The following CCDC73 variants were observed in gnomAD, a reference collection of about 807,000 sequenced individuals.
The protein encoded by CCDC73 is coiled-coil domain containing 73.
Under a neutral mutation model 116.5 loss-of-function variants are expected in CCDC73, and 95 were observed. That is an observed-to-expected ratio of 0.82 (90% confidence interval 0.69 to 0.97). CCDC73 has a LOEUF of 0.97. CCDC73 is among the 50% of genes least tolerant of loss of function. The pLI, the probability that CCDC73 is intolerant of heterozygous loss-of-function variation, is 0.00. For missense variants in CCDC73, 1,066 were observed against 1,206.8 expected (o/e 0.88, Z 1.73); for synonymous variants, 398 against 401.3 (o/e 0.99, Z 0.10).
chr11:32,662,666 T>C (rs146471097), intron 9 of CCDC73, among the ~76,000 whole-genome samples: 77 of 152,326 alleles, frequency 5.1e-4, no homozygotes, highest in African/African-American at 1.8e-3. Flanking sequence ...TAGTTTCTTT[T>C]GGTGCGCAGA....
intron 3 of CCDC73, among the ~76,000 whole-genome samples, chr11:32,704,052 G>A (rs1228308281): frequency 6.6e-6 from 1 of 152,214 alleles, no homozygotes; most frequent in Admixed American, 6.5e-5. Context: ...CTGCAGCAAG[G>A]GAGGTTGCGG....
At chr11:32,824,161 T>A in the CCDC73 span, among the ~76,000 whole-genome samples, 2 of 152,114 alleles carry the variant, frequency 1.3e-5, no homozygotes, top group Non-Finnish European at 2.9e-5. Flanking sequence ...TCCTAAAGTG[T>A]TAGGATTACA....
intron 12 of CCDC73, among the ~76,000 whole-genome samples, chr11:32,643,933 C>G (rs188478106): frequency 2.6e-4 from 39 of 151,968 alleles, no homozygotes; most frequent in Non-Finnish European, 4.6e-4. Flanking sequence ...ACAGATTGTA[C>G]AGCTGTATAA....
rs1044040593 is a variant in CCDC73 at position 32,602,853 on chromosome 11, T to G, written c.3198A>C (p.Arg1066Ser). Residue 1066 changes from arginine to serine, a missense_variant, in exon 18 of 18, where the codon AGA becomes AGC. Transcript: ENST00000335185. ...SLENDNQPKK[R>S]KAEETLEKNN... ...TTTTTTCCAACGTCTCTTCTGCTTT[T>G]CTTTTCTTTGGCTGGTTGTCATTTT... The G allele has an allele frequency of 8.1e-6, 13 of 1,609,824 alleles. No individual in the cohort carries two copies. The highest frequency in any genetic ancestry group is 4.0e-5 in the African/African-American group (3 of 74,584).
chr11:32,687,853 GGT>G (rs968029429), intron 6 of CCDC73, among the ~76,000 whole-genome samples: 15 of 152,020 alleles, frequency 9.9e-5, no homozygotes, highest in Non-Finnish European at 1.8e-4. Context: ...TAAAGTATGA[GGT>G]GATCCTGGTA....
At chr11:32,824,927 A>G in the CCDC73 span, among the ~76,000 whole-genome samples, 1 of 152,144 alleles carries the variant, frequency 6.6e-6, no homozygotes, top group South Asian at 2.1e-4. Context: ...TCTACAAACA[A>G]TACAAAAATT....
intron 1 of CCDC73, among the ~76,000 whole-genome samples, chr11:32,791,154 G>A (rs1490392717): frequency 6.6e-6 from 1 of 152,096 alleles, no homozygotes; most frequent in Non-Finnish European, 1.5e-5. Flanking sequence ...TGGGTCATCA[G>A]GAAATTAAGA....
At chr11:32,664,955 T>C (rs1405930137) in intron 9 of CCDC73, among the ~76,000 whole-genome samples, 2 of 152,232 alleles carry the variant, frequency 1.3e-5, no homozygotes, top group African/African-American at 4.8e-5. Flanking sequence ...AGTTTCCATG[T>C]AGTTGAGCGG....
At chr11:32,665,722 C>G (rs1349634565) in intron 9 of CCDC73, among the ~76,000 whole-genome samples, 1 of 152,008 alleles carries the variant, frequency 6.6e-6, no homozygotes, top group East Asian at 1.9e-4. Context: ...TGGTTATTTT[C>G]CTTGTTAGTT....
intron 1 of CCDC73, among the ~76,000 whole-genome samples, chr11:32,789,996 G>A (rs1220007142): frequency 6.6e-6 from 1 of 152,000 alleles, no homozygotes; most frequent in Admixed American, 6.6e-5. Context: ...ATTAGATAAG[G>A]GTATTTTAGA....
intron 14 of CCDC73, among the ~76,000 whole-genome samples, chr11:32,620,610 C>CAAAAAAAAAAAAAAAAAAAAA (rs57643752): frequency 4.9e-5 from 3 of 61,340 alleles, no homozygotes; most frequent in Admixed American, 2.5e-4. Context: ...GACTCAGTCT[C>CAAAAAAAAAAAAAAAAAAAAA]AAAAAAAAAA....
chr11:32,819,071 T>C, the CCDC73 span, among the ~76,000 whole-genome samples: 1 of 152,204 alleles, frequency 6.6e-6, no homozygotes, highest in Non-Finnish European at 1.5e-5. Flanking sequence ...AATTTTGTTA[T>C]GTAAATTTTA....
chr11:32,763,664 A>G (rs533652809), intron 1 of CCDC73, among the ~76,000 whole-genome samples: 1 of 152,370 alleles, frequency 6.6e-6, no homozygotes, highest in African/African-American at 2.4e-5. Flanking sequence ...AAGATGGGAA[A>G]AAAACAGAGA....
chr11:32,756,667 T>C (rs935581165), intron 2 of CCDC73, among the ~76,000 whole-genome samples: 1 of 151,834 alleles, frequency 6.6e-6, no homozygotes, highest in Non-Finnish European at 1.5e-5. Flanking sequence ...AGTATCTTTA[T>C]ATCTTCCGAA....
chr11:32,665,628 T>C (rs1306101248), intron 9 of CCDC73, among the ~76,000 whole-genome samples: 1 of 152,230 alleles, frequency 6.6e-6, no homozygotes, highest in Non-Finnish European at 1.5e-5. Flanking sequence ...CCAGTCTGTG[T>C]CTTTTAATTG....
At position 32,671,896 on chromosome 11, in the gene CCDC73, TGAGA is replaced by T. The variant is rs1590584360; in HGVS notation, c.645+3665_645+3668del. Among the ~76,000 whole-genome samples, 4 of 152,298 alleles carry T rather than the reference TGAGA, an allele frequency of 2.6e-5. No individual in the cohort carries two copies. The East Asian group carries it at 7.7e-4, about 29-fold the overall frequency. ...TAGCCCTAGCCTAGGCCCCAAGACC[TGAGA>T]GAAAGAGGCTAGTGTTCTCATGAGC... On this transcript the variant is annotated intron_variant, in intron 9 of 17. Coordinates refer to ENST00000335185, the MANE Select transcript of CCDC73 (RefSeq NM_001008391.4).
At chr11:32,667,566 C>G (rs1015900353) in intron 9 of CCDC73, among the ~76,000 whole-genome samples, 14 of 152,172 alleles carry the variant, frequency 9.2e-5, no homozygotes, top group African/African-American at 3.4e-4. Context: ...TCTGTCACAG[C>G]TCCCTTGGCT....
chr11:32,604,503 A>AGAG (rs1465542203), intron 17 of CCDC73: 2 of 152,230 alleles, frequency 1.3e-5, no homozygotes, highest in African/African-American at 4.8e-5. Context: ...CCACCATTAA[A>AGAG]GAGTTTGTGT....
At chr11:32,732,124 C>A (rs1341864196) in intron 2 of CCDC73, among the ~76,000 whole-genome samples, 2 of 152,174 alleles carry the variant, frequency 1.3e-5, no homozygotes, top group African/African-American at 2.4e-5. Flanking sequence ...GAAAAATGTG[C>A]AAGCTTCAGT....
Sources: allele counts gnomAD v4.1 joint callset (sites outside exome capture counted in the v4.1 genomes callset), GRCh38; gene constraint gnomAD v4.1.1; transcripts MANE v1.5; gene names NCBI Gene and HGNC (gene_info 2026-07-23, HGNC 2026-07-21).